The following ZZZ3 variants were observed in gnomAD, a reference collection of about 807,000 sequenced individuals.
The protein encoded by ZZZ3 is ZZ-type zinc finger-containing protein 3.
Under a neutral mutation model 95.2 loss-of-function variants are expected in ZZZ3, and 22 were observed. The observed-to-expected ratio is 0.23, with a 90% CI of 0.17 to 0.33. The LOEUF is 0.33. ZZZ3 is among the 10% of genes least tolerant of loss of function. ZZZ3 has a pLI of 1.00. For missense variants in ZZZ3, 885 were observed against 1,066.5 expected (o/e 0.83, Z 2.37); for synonymous variants, 335 against 358.9 (o/e 0.93, Z 0.75).
chr1:77,638,175 A>G (rs558550138), intron 4 of ZZZ3, among the ~76,000 whole-genome samples: 97 of 152,264 alleles, frequency 6.4e-4, no homozygotes, highest in African/African-American at 2.2e-3. Context: ...ATAAATTCTC[A>G]TCCTCTTGGA....
At chr1:77,643,586 C>G (rs1393343037) in intron 1 of ZZZ3, among the ~76,000 whole-genome samples, 1 of 152,186 alleles carries the variant, frequency 6.6e-6, no homozygotes, top group Non-Finnish European at 1.5e-5. Context: ...ATTGACTATT[C>G]AAGCATTCCA....
intron 5 of ZZZ3, among the ~76,000 whole-genome samples, chr1:77,611,695 T>C (rs1665827511): frequency 6.6e-6 from 1 of 152,048 alleles, no homozygotes; most frequent in African/African-American, 2.4e-5. Flanking sequence ...TTGCAGTCAA[T>C]TGGTCTTTGA....
chr1:77,644,536 C>A (rs1015553266), intron 1 of ZZZ3, among the ~76,000 whole-genome samples: 5 of 152,106 alleles, frequency 3.3e-5, no homozygotes, highest in African/African-American at 4.8e-5. Flanking sequence ...TATTTCACAG[C>A]CAATAGAAAG....
chr1:77,667,577 C>T (rs972055019), intron 1 of ZZZ3, among the ~76,000 whole-genome samples: 1 of 151,974 alleles, frequency 6.6e-6, no homozygotes, highest in Non-Finnish European at 1.5e-5. Flanking sequence ...ACCTACATTC[C>T]TAATTATCTT....
chr1:77,660,930 C>T (rs1670721496), intron 1 of ZZZ3, among the ~76,000 whole-genome samples: 1 of 151,862 alleles, frequency 6.6e-6, no homozygotes, highest in African/African-American at 2.4e-5. Context: ...ACAATAAACA[C>T]AAACACGTAT....
intron 12 of ZZZ3, among the ~76,000 whole-genome samples, chr1:77,573,212 C>T (rs1031216308): frequency 6.6e-5 from 10 of 152,076 alleles, no homozygotes; most frequent in Admixed American, 3.9e-4. Context: ...CTCTGCCTCC[C>T]GGGTTCAGGC....
intron 5 of ZZZ3, among the ~76,000 whole-genome samples, chr1:77,615,572 T>C (rs1321462598): frequency 6.6e-6 from 1 of 152,220 alleles, no homozygotes; most frequent in Non-Finnish European, 1.5e-5. Context: ...TTCAGGTTAG[T>C]GAGACATGAA....
chr1:77,570,725 T>C (rs909636525), intron 12 of ZZZ3, among the ~76,000 whole-genome samples: 1 of 151,414 alleles, frequency 6.6e-6, no homozygotes, highest in African/African-American at 2.4e-5. Context: ...TGGAGTGCAA[T>C]GGTGGGGCTC....
At chr1:77,604,834 T>C (rs1315459346) in intron 5 of ZZZ3, among the ~76,000 whole-genome samples, 1 of 152,212 alleles carries the variant, frequency 6.6e-6, no homozygotes, top group Non-Finnish European at 1.5e-5. Context: ...AAAGAATGCT[T>C]GTCATTGTTT....
intron 9 of ZZZ3, chr1:77,579,839 G>A: frequency 3.1e-6 from 1 of 318,746 alleles, no homozygotes; most frequent in Non-Finnish European, 5.7e-6. Context: ...ATAAACTTAT[G>A]AAAGAGCTTA....
intron 5 of ZZZ3, among the ~76,000 whole-genome samples, chr1:77,604,467 A>T (rs1665037729): frequency 6.6e-6 from 1 of 152,256 alleles, no homozygotes; most frequent in African/African-American, 2.4e-5. Context: ...CAATTTTTTT[A>T]AAGTATTTGC....
At chr1:77,584,412 T>A (rs1662858541) in intron 6 of ZZZ3, 105 bp downstream of exon 6, 5 of 1,182,000 alleles carry the variant, frequency 4.2e-6, no homozygotes, top group South Asian at 4.5e-5. Context: ...ACGAAAAAAA[T>A]TAAACATTTT....
At chr1:77,593,690 C>G (rs1345595572) in intron 5 of ZZZ3, among the ~76,000 whole-genome samples, 2 of 152,080 alleles carry the variant, frequency 1.3e-5, no homozygotes, top group East Asian at 3.8e-4. Context: ...TTCATAATTA[C>G]TCTATAACTG....
intron 5 of ZZZ3, among the ~76,000 whole-genome samples, chr1:77,597,402 A>AGCTCCCCATTCCTTCAGTGTG (rs1173015358): frequency 4.6e-5 from 7 of 152,138 alleles, no homozygotes; most frequent in African/African-American, 1.7e-4. Context: ...TAGGGAACGC[A>AGCTCCCCATTCCTTCAGTGTG]GCTCCCCATT....
chr1:77,624,959 C>A, intron 5 of ZZZ3, among the ~76,000 whole-genome samples: 1 of 152,114 alleles, frequency 6.6e-6, no homozygotes, highest in East Asian at 1.9e-4. Flanking sequence ...GGAAAAACCA[C>A]CACAAATCTG....
chr1:77,671,847 A>G (rs1178402171), intron 1 of ZZZ3, among the ~76,000 whole-genome samples: 1 of 152,188 alleles, frequency 6.6e-6, no homozygotes, highest in Non-Finnish European at 1.5e-5. Flanking sequence ...CAAGCGATAC[A>G]TTCCAAGATC....
intron 1 of ZZZ3, among the ~76,000 whole-genome samples, chr1:77,654,507 T>G (rs566470693): frequency 6.6e-6 from 1 of 152,262 alleles, no homozygotes; most frequent in East Asian, 1.9e-4. Context: ...TAATAATATT[T>G]TTAAAATAAT....
intron 5 of ZZZ3, among the ~76,000 whole-genome samples, chr1:77,601,250 C>T (rs1379070510): frequency 1.3e-5 from 2 of 152,112 alleles, no homozygotes; most frequent in African/African-American, 4.8e-5. Context: ...ACCAAACCGA[C>T]TACTAATGAA....
chr1:77,634,000 T>C (rs372236403), intron 4 of ZZZ3, among the ~76,000 whole-genome samples: 10 of 152,122 alleles, frequency 6.6e-5, no homozygotes, highest in African/African-American at 2.2e-4. Context: ...TGAAACGCTG[T>C]CTCTACTAAA....
Sources: allele counts gnomAD v4.1 joint callset (sites outside exome capture counted in the v4.1 genomes callset), GRCh38; gene constraint gnomAD v4.1.1; transcripts MANE v1.5; gene names NCBI Gene and HGNC (gene_info 2026-07-23, HGNC 2026-07-21).